The following FBXL7 variants were observed in gnomAD, a reference collection of about 807,000 sequenced individuals.
FBXL7 encodes the protein F-box and leucine rich repeat protein 7, also known as F-box/LRR-repeat protein 7.
Under a neutral mutation model 38.3 loss-of-function variants are expected in FBXL7, and 12 were observed. The observed-to-expected ratio is 0.31, with a 90% CI of 0.20 to 0.51. The LOEUF is 0.51. Among genes scored for constraint, FBXL7 ranks in the 20% least tolerant of loss-of-function variants. The pLI is 0.98. For missense variants in FBXL7, 567 were observed against 676.4 expected (o/e 0.84, Z 1.79); for synonymous variants, 297 against 300.9 (o/e 0.99, Z 0.13).
intron 2 of FBXL7, among the ~76,000 whole-genome samples, chr5:15,633,764 T>TATC (rs1296858888): frequency 6.8e-6 from 1 of 146,044 alleles, no homozygotes; most frequent in African/African-American, 2.5e-5. Flanking sequence ...TTATTATTAT[T>TATC]ATTATTATTA....
intron 2 of FBXL7, among the ~76,000 whole-genome samples, chr5:15,889,116 A>G (rs1029318153): frequency 6.6e-6 from 1 of 152,188 alleles, no homozygotes; most frequent in African/African-American, 2.4e-5. Flanking sequence ...AGGAACATTC[A>G]CAACCTCTCA....
chr5:15,855,692 G>A (rs186210706), intron 2 of FBXL7, among the ~76,000 whole-genome samples: 1 of 152,218 alleles, frequency 6.6e-6, no homozygotes, highest in East Asian at 1.9e-4. Context: ...TTTGTAATTA[G>A]CAGGGAGTGG....
At chr5:15,681,552 G>A (rs1188272207) in intron 2 of FBXL7, among the ~76,000 whole-genome samples, 1 of 152,188 alleles carries the variant, frequency 6.6e-6, no homozygotes, top group Non-Finnish European at 1.5e-5. Context: ...ATATAAACCT[G>A]TTAGTAGTAT....
chr5:15,520,449 G>A (rs1737066922), intron 1 of FBXL7, among the ~76,000 whole-genome samples: 1 of 152,194 alleles, frequency 6.6e-6, no homozygotes. Context: ...AATTCAATGG[G>A]AAATAGAATT....
At chr5:15,858,142 A>C (rs1054849344) in intron 2 of FBXL7, among the ~76,000 whole-genome samples, 1 of 151,742 alleles carries the variant, frequency 6.6e-6, no homozygotes, top group African/African-American at 2.4e-5. Context: ...AATTATTGCA[A>C]ATTTTATCCT....
intron 2 of FBXL7, among the ~76,000 whole-genome samples, chr5:15,827,495 T>A (rs1738347395): frequency 6.6e-6 from 1 of 152,234 alleles, no homozygotes. Context: ...AACAAATTTA[T>A]TGGTTCAAAG....
chr5:15,707,260 G>C (rs1743717904), intron 2 of FBXL7, among the ~76,000 whole-genome samples: 1 of 125,608 alleles, frequency 8.0e-6, no homozygotes, highest in African/African-American at 3.0e-5. Flanking sequence ...TCCATAGTCA[G>C]AACAGCCCTG....
chr5:15,514,125 ATGCTTTGGT>A (rs1378117980), intron 1 of FBXL7, among the ~76,000 whole-genome samples: 1 of 152,232 alleles, frequency 6.6e-6, no homozygotes, highest in Non-Finnish European at 1.5e-5. Flanking sequence ...TCATTTTTAA[ATGCTTTGGT>A]TGGGGTTGCC....
chr5:15,597,103 T>G (rs943844852), intron 1 of FBXL7, among the ~76,000 whole-genome samples: 1 of 152,012 alleles, frequency 6.6e-6, no homozygotes, highest in Non-Finnish European at 1.5e-5. Context: ...GACTGAGCCC[T>G]TAACCTGTGA....
chr5:15,878,086 T>G (rs1286573494), intron 2 of FBXL7, among the ~76,000 whole-genome samples: 3 of 152,188 alleles, frequency 2.0e-5, no homozygotes, highest in Non-Finnish European at 2.9e-5. Flanking sequence ...TGCTGCACTA[T>G]GAGGACAACG....
intron 2 of FBXL7, among the ~76,000 whole-genome samples, chr5:15,763,692 C>A (rs1027324012): frequency 6.6e-6 from 1 of 152,142 alleles, no homozygotes; most frequent in Non-Finnish European, 1.5e-5. Flanking sequence ...TTTGAACTCA[C>A]TTTTGAGTTG....
chr5:15,837,097 A>T (rs928115093), intron 2 of FBXL7, among the ~76,000 whole-genome samples: 1 of 152,234 alleles, frequency 6.6e-6, no homozygotes, highest in East Asian at 1.9e-4. Context: ...TGACAGCAAG[A>T]TCCCTAATAC....
At chr5:15,830,485 AAC>A (rs57825713) in intron 2 of FBXL7, among the ~76,000 whole-genome samples, 22,785 of 143,792 alleles carry the variant, frequency 0.16, 2,085 homozygotes, top group Admixed American at 0.26. Context: ...CTCCATCTAA[AAC>A]ACACACACAC....
At chr5:15,724,987 A>G (rs1744301682) in intron 2 of FBXL7, among the ~76,000 whole-genome samples, 2 of 152,326 alleles carry the variant, frequency 1.3e-5, no homozygotes, top group South Asian at 4.1e-4. Flanking sequence ...TTATTTAAAA[A>G]TACAGGCAGG....
At chr5:15,846,784 G>A (rs551890478) in intron 2 of FBXL7, among the ~76,000 whole-genome samples, 11 of 152,292 alleles carry the variant, frequency 7.2e-5, no homozygotes, top group African/African-American at 2.4e-4. Flanking sequence ...GTTGTCATCT[G>A]TTATATACAG....
intron 3 of FBXL7, among the ~76,000 whole-genome samples, chr5:15,933,460 A>G (rs62348110): frequency 0.056 from 8,454 of 152,242 alleles, 775 homozygotes; most frequent in African/African-American, 0.19. Flanking sequence ...GGCGTCACAG[A>G]TGGCCAATCA....
At chr5:15,755,158 A>C (rs1439694297) in intron 2 of FBXL7, among the ~76,000 whole-genome samples, 2 of 152,220 alleles carry the variant, frequency 1.3e-5, no homozygotes, top group African/African-American at 4.8e-5. Context: ...CCTGAAAACA[A>C]GTTTGTAAAT....
intron 2 of FBXL7, among the ~76,000 whole-genome samples, chr5:15,660,324 C>T (rs1240268450): frequency 1.3e-5 from 2 of 152,154 alleles, no homozygotes; most frequent in African/African-American, 4.8e-5. Flanking sequence ...AGAGAAATCT[C>T]TTGGGAGAAA....
chr5:15,560,138 A>G (rs1288513632), intron 1 of FBXL7, among the ~76,000 whole-genome samples: 3 of 152,230 alleles, frequency 2.0e-5, no homozygotes, highest in Non-Finnish European at 4.4e-5. Context: ...ATGAACATGC[A>G]GTAAACAAAC....
Sources: allele counts gnomAD v4.1 joint callset (sites outside exome capture counted in the v4.1 genomes callset), GRCh38; gene constraint gnomAD v4.1.1; transcripts MANE v1.5; gene names NCBI Gene and HGNC (gene_info 2026-07-23, HGNC 2026-07-21).